Variants in NSRP1 observed in about 807,000 individuals in gnomAD.
NSRP1 encodes coiled-coil domain containing 55.
A neutral mutation model predicts 54.7 loss-of-function variants in NSRP1; 24 were observed. That is an observed-to-expected ratio of 0.44 (90% CI 0.32 to 0.62). The LOEUF is 0.62. NSRP1 is among the 20% of genes least tolerant of loss of function. The pLI, the probability that NSRP1 is intolerant of heterozygous loss-of-function variation, is 0.06. For missense variants in NSRP1, 596 were observed against 651.2 expected (o/e 0.92, Z 0.92); for synonymous variants, 210 against 213.8 (o/e 0.98, Z 0.15).
At chr17:30,151,609 T>C (rs2071911040) in intron 2 of NSRP1, among the ~76,000 whole-genome samples, 1 of 152,090 alleles carries the variant, frequency 6.6e-6, no homozygotes, top group Non-Finnish European at 1.5e-5. Context: ...GGTCTTACTG[T>C]TTCTGAGTGC....
At chr17:30,143,427 T>C (rs774484802) in intron 2 of NSRP1, among the ~76,000 whole-genome samples, 11 of 152,170 alleles carry the variant, frequency 7.2e-5, no homozygotes, top group Non-Finnish European at 1.6e-4. Context: ...TGAACTCTAA[T>C]AAAATCTGTA....
chr17:30,131,986 C>T (rs1172007349), intron 2 of NSRP1, among the ~76,000 whole-genome samples: 2 of 152,268 alleles, frequency 1.3e-5, no homozygotes, highest in Admixed American at 6.5e-5. Flanking sequence ...CGGTGGCTCA[C>T]GCTTGTAATC....
chr17:30,138,685 G>C (rs993646038), intron 2 of NSRP1, among the ~76,000 whole-genome samples: 12 of 152,052 alleles, frequency 7.9e-5, no homozygotes, highest in African/African-American at 2.9e-4. Flanking sequence ...ACTTTGGGGG[G>C]TGGAGGGGGA....
intron 6 of NSRP1, among the ~76,000 whole-genome samples, chr17:30,181,704 A>G (rs1905305988): frequency 6.7e-6 from 1 of 149,554 alleles, no homozygotes; most frequent in South Asian, 2.1e-4. Flanking sequence ...TCTGCCTCTC[A>G]AGTTCAAGGG....
intron 2 of NSRP1, among the ~76,000 whole-genome samples, chr17:30,152,600 G>T (rs1040107166): frequency 6.6e-6 from 1 of 151,826 alleles, no homozygotes; most frequent in Non-Finnish European, 1.5e-5. Flanking sequence ...AGGGGGTAAG[G>T]TAAGGGCCCA....
At chr17:30,152,213 C>G (rs2071918313) in intron 2 of NSRP1, among the ~76,000 whole-genome samples, 1 of 151,886 alleles carries the variant, frequency 6.6e-6, no homozygotes, top group South Asian at 2.1e-4. Flanking sequence ...ACCTCTGCTT[C>G]CCGGGTTCAA....
Position 30,185,988 on chromosome 17 carries a change from G to A in NSRP1, c.*314G>A, listed in dbSNP as rs73276877. ...ACTACAACCATTAAAAAATAATTTTGGCCAGATACGGTAGCTCGTGCCTGT... is the reference window on the plus strand; with the variant it reads ...ACTACAACCATTAAAAAATAATTTTAGCCAGATACGGTAGCTCGTGCCTGT... On this transcript the variant is annotated 3_prime_UTR_variant, in exon 7 of 7. Transcript: ENST00000247026. The A allele has an allele frequency of 2.5e-3, 465 of 185,820 alleles. 5 individuals carry two copies. The highest frequency in any genetic ancestry group is 9.4e-3 in the African/African-American group (401 of 42,712). The allele number at this position is 185,820 out of a possible 1,614,324, so 11.5% of individuals were successfully genotyped here. A position where few individuals can be genotyped will look rare whatever the true frequency, so the allele number is the denominator to read the frequency against.
chr17:30,127,511 C>T (rs2071661137), intron 2 of NSRP1, among the ~76,000 whole-genome samples: 1 of 152,150 alleles, frequency 6.6e-6, no homozygotes, highest in African/African-American at 2.4e-5. Context: ...ACCTTCTGGG[C>T]TCAAGTGATC....
At chr17:30,127,351 G>T (rs944925748) in intron 2 of NSRP1, among the ~76,000 whole-genome samples, 3 of 152,162 alleles carry the variant, frequency 2.0e-5, no homozygotes, top group Admixed American at 1.3e-4. Flanking sequence ...TGGTATACTT[G>T]TGAAATCTAG....
chr17:30,163,580 T>G (rs931523353), intron 2 of NSRP1, among the ~76,000 whole-genome samples: 5 of 152,224 alleles, frequency 3.3e-5, no homozygotes, highest in Middle Eastern at 3.4e-3. Flanking sequence ...TAAATAATTT[T>G]TATTCTCTAC....
Position 30,184,837 on chromosome 17 carries a change from C to T in NSRP1, c.840C>T (p.Phe280=). 1.2e-6 allele frequency: 2 copies of T among 1,614,060 alleles called. No homozygotes were observed. Among genetic ancestry groups the T allele is most frequent in the Non-Finnish European group, 1.7e-6 (2 of 1,180,004 alleles). Residue 280 remains phenylalanine, a synonymous_variant, in exon 7 of 7, where the codon TTC becomes TTT. Transcript: ENST00000247026. Reference sequence around the variant, plus strand: ...TCATAGAGACCCCTGAGAATGACTTCAAGCACCACAGGAGTCAAAACCACT... The same window carrying T: ...TCATAGAGACCCCTGAGAATGACTTTAAGCACCACAGGAGTCAAAACCACT... ...EKVIETPEND[F]KHHRSQNHSR...
At chr17:30,170,789 A>G (rs746263080) in intron 2 of NSRP1, among the ~76,000 whole-genome samples, 4 of 152,158 alleles carry the variant, frequency 2.6e-5, no homozygotes, top group Non-Finnish European at 5.9e-5. Flanking sequence ...TCCTTTGGCT[A>G]TATGCCAAGA....
At chr17:30,123,348 C>T (rs370067727) in intron 2 of NSRP1, among the ~76,000 whole-genome samples, 2 of 152,068 alleles carry the variant, frequency 1.3e-5, no homozygotes, top group Admixed American at 6.5e-5. Flanking sequence ...GAACTCCTGA[C>T]CTTGTGATCT....
rs1423776478 is a variant in NSRP1 at position 30,172,521 on chromosome 17, CAA to C, written c.115-20_115-19del. The C allele has an allele frequency of 6.3e-7, 1 of 1,583,328 alleles. No individual in the cohort carries two copies. Among genetic ancestry groups the C allele is most frequent in the Non-Finnish European group, 8.6e-7 (1 of 1,163,542 alleles). On this transcript the variant is annotated intron_variant, in intron 2 of 6. Transcript: ENST00000247026. ...AATTTTAAATTTGTTTAAAAAGTGA[CAA>C]TATATTTCTGTTTTACAGACCTCTG...
At chr17:30,138,009 C>T (rs139313806) in intron 2 of NSRP1, among the ~76,000 whole-genome samples, 143 of 152,160 alleles carry the variant, frequency 9.4e-4, no homozygotes, top group Middle Eastern at 3.4e-3. Flanking sequence ...ATAATAACTC[C>T]CCTTCCCCCA....
chr17:30,174,896 A>T (rs1030342979), intron 3 of NSRP1, among the ~76,000 whole-genome samples: 4 of 152,332 alleles, frequency 2.6e-5, no homozygotes, highest in Admixed American at 2.6e-4. Context: ...GTTTTTAAGT[A>T]TTGAAGATTT....
intron 2 of NSRP1, among the ~76,000 whole-genome samples, chr17:30,155,231 G>T (rs1254032030): frequency 4.6e-5 from 7 of 152,178 alleles, no homozygotes; most frequent in Admixed American, 1.3e-4. Flanking sequence ...TGCTGATGAG[G>T]TATTTGATGA....
chr17:30,121,295 T>A (rs537075146), intron 2 of NSRP1, among the ~76,000 whole-genome samples: 1 of 152,170 alleles, frequency 6.6e-6, no homozygotes, highest in Non-Finnish European at 1.5e-5. Context: ...TAAAAATGCT[T>A]GTTAGAAGGC....
chr17:30,143,186 A>G (rs928230216), intron 2 of NSRP1, among the ~76,000 whole-genome samples: 13 of 152,166 alleles, frequency 8.5e-5, no homozygotes, highest in Admixed American at 5.9e-4. Flanking sequence ...GTTTCAGTGT[A>G]TGTTGTCAGA....
Sources: allele counts gnomAD v4.1 joint callset (sites outside exome capture counted in the v4.1 genomes callset), GRCh38; gene constraint gnomAD v4.1.1; transcripts MANE v1.5; gene names NCBI Gene and HGNC (gene_info 2026-07-23, HGNC 2026-07-21).